Variants in TRPM1 observed in about 807,000 individuals in gnomAD.
TRPM1 encodes TRPM1-203 APA Isoform, Intron 10.
TRPM1 carries 113 observed loss-of-function variants against 149.4 expected under a neutral mutation model. The ratio of observed to expected loss-of-function variants is 0.76; its 90% CI spans 0.65 to 0.88. The LOEUF (loss-of-function observed/expected upper bound fraction) is 0.88, where lower values mean the gene tolerates loss of function less well. Among genes scored for constraint, TRPM1 ranks in the 40% least tolerant of loss-of-function variants. The probability of loss-of-function intolerance (pLI) is 0.00; values close to 1 mark genes in which losing one functional copy is unlikely to be tolerated. For missense variants in TRPM1, 1,976 were observed against 2,038.7 expected, an observed-to-expected ratio of 0.97 and a Z score of 0.59; for synonymous variants, 741 against 759.5, an observed-to-expected ratio of 0.98 and a Z score of 0.40.
At position 31,067,124 on chromosome 15, in the gene TRPM1, C is replaced by G. The variant is rs965456174; in HGVS notation, c.557G>C (p.Cys186Ser). ...DHSSKSRGRVCAIGIAPWGIV... is the reference protein window; with the variant it reads ...DHSSKSRGRVSAIGIAPWGIV... ...GCCCCATGGAGCAATTCCTATAGCACAAACCCGGCCTCTGGACTTGGAGGA... is the reference window on the plus strand; with the variant it reads ...GCCCCATGGAGCAATTCCTATAGCAGAAACCCGGCCTCTGGACTTGGAGGA... Residue 186 changes from cysteine to serine, a missense_variant, in exon 6 of 28, where the codon TGT becomes TCT. Physicochemically the swap from Cys to Ser is moderately radical, Grantham distance 112 (BLOSUM62 -1). Transcript: ENST00000256552. The G allele has an allele frequency of 6.2e-7, 1 of 1,614,152 alleles. No individual in the cohort carries two copies. The highest frequency in any genetic ancestry group is 2.2e-5 in the East Asian group (1 of 44,890).
rs376234885 is a variant in TRPM1, at chr15:31,040,137, C to T, written c.2297G>A (p.Arg766Gln). 183 of 1,614,218 alleles carry T rather than the reference C, an allele frequency of 1.1e-4. No homozygotes were observed. Among genetic ancestry groups the T allele is most frequent in the Admixed American group, 3.3e-4 (20 of 60,028 alleles). Residue 766 changes from arginine to glutamine, a missense_variant, in exon 18 of 28, where the codon CGG (arginine) becomes CAG (glutamine). Physicochemically the swap from Arg to Gln is conservative, Grantham distance 43 (BLOSUM62 1). Transcript: ENST00000256552. The surrounding 1 kb of genome is among the most constrained non-coding windows in gnomAD (Gnocchi z 4.2). Reference sequence around the variant, plus strand: ...ACGCACCTTCAGGCCGGGGTTCTTCCGCATCCGCAGTCTTCCCATCCACAT... The same window carrying T: ...ACGCACCTTCAGGCCGGGGTTCTTCTGCATCCGCAGTCTTCCCATCCACAT... Reference protein sequence around the residue: ...TDMWMGRLRMRKNPGLKVIMG... With the variant: ...TDMWMGRLRMQKNPGLKVIMG...
chr15:31,018,640 G>A (rs2032452746), intron 27 of TRPM1, among the ~76,000 whole-genome samples: 2 of 151,486 alleles, frequency 1.3e-5, no homozygotes, highest in Admixed American at 1.3e-4. Context: ...CCAAAGTGCT[G>A]GATTACAGGG....
chr15:31,041,911 G>A (rs776924114), intron 17 of TRPM1, 40 bp downstream of exon 17: 4 of 1,610,976 alleles, frequency 2.5e-6, no homozygotes, highest in Non-Finnish European at 2.5e-6. Context: ...ACTCAGGATG[G>A]TCATCTCTCC....
At chr15:31,122,152 C>T (rs1280550505) in intron 1 of TRPM1, among the ~76,000 whole-genome samples, 4 of 152,116 alleles carry the variant, frequency 2.6e-5, no homozygotes, top group African/African-American at 9.7e-5. Flanking sequence ...TAAAAACTCT[C>T]AGCAAACTAA....
chr15:31,110,727 G>A (rs55901714), intron 1 of TRPM1, among the ~76,000 whole-genome samples: 61,486 of 152,014 alleles, frequency 0.4, 13,084 homozygotes, highest in East Asian at 0.72. Context: ...CCATTGGAGG[G>A]CACAGGCCTG....
At chr15:31,013,872 A>G (rs1346673036) in intron 27 of TRPM1, among the ~76,000 whole-genome samples, 3 of 152,214 alleles carry the variant, frequency 2.0e-5, no homozygotes, top group Non-Finnish European at 4.4e-5. Flanking sequence ...GTCAGTTAAT[A>G]CTTAGAGATT....
chr15:31,079,886 C>T (rs2034810970), intron 2 of TRPM1, among the ~76,000 whole-genome samples: 1 of 152,102 alleles, frequency 6.6e-6, no homozygotes, highest in Non-Finnish European at 1.5e-5. Flanking sequence ...ATAAGAAGAG[C>T]CTGGAACACC....
chr15:31,054,629 A>AT (rs909774334), intron 11 of TRPM1, among the ~76,000 whole-genome samples: 22 of 152,062 alleles, frequency 1.4e-4, no homozygotes, highest in Admixed American at 5.2e-4. Flanking sequence ...TTTAAGAAGA[A>AT]TTTTTTTTGC....
At chr15:31,030,113 C>T (rs2032998053) in intron 23 of TRPM1, among the ~76,000 whole-genome samples, 2 of 152,200 alleles carry the variant, frequency 1.3e-5, no homozygotes, top group South Asian at 4.1e-4. Flanking sequence ...AAAGAAGCTA[C>T]TGCATGAGCT....
chr15:31,015,459 C>T (rs540963270), intron 27 of TRPM1, among the ~76,000 whole-genome samples: 2 of 151,520 alleles, frequency 1.3e-5, no homozygotes, highest in South Asian at 2.1e-4. Flanking sequence ...GATATATGAC[C>T]TCATGTTGTA....
At chr15:31,062,943 C>G in intron 8 of TRPM1, 175 bp downstream of exon 8, 1 of 1,006,256 alleles carries the variant, frequency 9.9e-7, no homozygotes, top group Admixed American at 2.0e-5. Context: ...TCAGGAACAC[C>G]CTGCCTCTGA....
upstream of TRPM1, among the ~76,000 whole-genome samples, chr15:31,103,139 C>T (rs1049889740): frequency 6.6e-6 from 1 of 152,182 alleles, no homozygotes; most frequent in African/African-American, 2.4e-5. Flanking sequence ...ATGGCCAGCC[C>T]GACCGGCTGC....
At chr15:31,034,540 T>C (rs1165675923) in intron 21 of TRPM1, among the ~76,000 whole-genome samples, 1 of 152,218 alleles carries the variant, frequency 6.6e-6, no homozygotes, top group Non-Finnish European at 1.5e-5. Context: ...GACTCCACAG[T>C]GTCCAGTCCA....
intron 1 of TRPM1, among the ~76,000 whole-genome samples, chr15:31,159,411 G>T (rs2036417653): frequency 6.6e-6 from 1 of 152,212 alleles, no homozygotes; most frequent in Non-Finnish European, 1.5e-5. Context: ...GGAGGAGGAG[G>T]TCACGTGGAG....
intron 1 of TRPM1, among the ~76,000 whole-genome samples, chr15:31,128,263 G>T (rs993972225): frequency 6.6e-6 from 1 of 152,190 alleles, no homozygotes; most frequent in Non-Finnish European, 1.5e-5. Context: ...AATAGTTAAT[G>T]ACTGTGGGGT....
At chr15:31,014,356 G>A (rs1595977980) in intron 27 of TRPM1, among the ~76,000 whole-genome samples, 1 of 152,272 alleles carries the variant, frequency 6.6e-6, no homozygotes, top group East Asian at 1.9e-4. Context: ...CTTTCAAGGA[G>A]CTGCCCTGTA....
intron 1 of TRPM1, among the ~76,000 whole-genome samples, chr15:31,127,327 G>T (rs1043535350): frequency 2.6e-4 from 40 of 152,282 alleles, no homozygotes; most frequent in African/African-American, 9.4e-4. Flanking sequence ...GTGGCCAAAG[G>T]CCTACCAGTC....
chr15:31,089,664 G>A (rs2035169378), intron 1 of TRPM1, among the ~76,000 whole-genome samples: 1 of 152,214 alleles, frequency 6.6e-6, no homozygotes, highest in Non-Finnish European at 1.5e-5. Flanking sequence ...ACCCTGGGAC[G>A]GTTCACCCTA....
chr15:31,110,241 A>G (rs938127202), intron 1 of TRPM1, among the ~76,000 whole-genome samples: 2 of 152,222 alleles, frequency 1.3e-5, no homozygotes, highest in African/African-American at 2.4e-5. Flanking sequence ...CTTCATTTGT[A>G]AATTAAATTT....
Sources: allele counts gnomAD v4.1 joint callset (sites outside exome capture counted in the v4.1 genomes callset), GRCh38; gene constraint gnomAD v4.1.1; non-coding constraint Gnocchi (gnomAD v3.1); transcripts MANE v1.5; gene names NCBI Gene and HGNC (gene_info 2026-07-23, HGNC 2026-07-21).